The following IARS1 variants were observed in gnomAD, a reference collection of about 807,000 sequenced individuals.
The protein encoded by IARS1 is isoleucine--tRNA ligase, cytoplasmic.
Under a neutral mutation model 168.2 loss-of-function variants are expected in IARS1, and 124 were observed. The ratio of observed to expected loss-of-function variants is 0.74; its 90% confidence interval spans 0.64 to 0.86. IARS1 has a LOEUF of 0.86. Among genes scored for constraint, IARS1 ranks in the 40% least tolerant of loss-of-function variants. IARS1 has a pLI of 0.00. For synonymous variants in IARS1, 532 were observed against 529.4 expected (o/e 1.00, Z -0.07); for missense variants, 1,452 against 1,515.8 (o/e 0.96, Z 0.70).
intron 33 of IARS1, among the ~76,000 whole-genome samples, chr9:92,219,417 T>C (rs1421744881): frequency 2.0e-5 from 3 of 149,130 alleles, no homozygotes; most frequent in African/African-American, 4.9e-5. Flanking sequence ...AATTGACAAA[T>C]GGGATCTAAT....
At position 92,249,905 on chromosome 9, in the gene IARS1, G is replaced by T; in HGVS notation, c.2569C>A (p.Pro857Thr). The T allele has an allele frequency of 6.2e-7, 1 of 1,606,828 alleles. No individual in the cohort carries two copies. The highest frequency in any genetic ancestry group is 8.5e-7 in the Non-Finnish European group (1 of 1,173,812). The change falls in exon 25 of 34, where the codon CCA (proline) becomes ACA (threonine). Residue 857 changes from proline (P) to threonine (T), a missense_variant. Pro to Thr is a conservative substitution (Grantham distance 38). Coordinates refer to ENST00000443024, the MANE Select transcript of IARS1 (RefSeq NM_002161.6). ...LKEIVVIHQDPEALKDIKSLE... is the reference protein window; with the variant it reads ...LKEIVVIHQDTEALKDIKSLE... ...GACTTGATATCTTTAAGAGCTTCTG[G>T]ATCTTGATGGATAACCACAATTTCT...
intron 33 of IARS1, among the ~76,000 whole-genome samples, chr9:92,222,154 C>T (rs959356857): frequency 1.4e-5 from 2 of 145,620 alleles, no homozygotes; most frequent in Admixed American, 7.0e-5. Context: ...CCCGTCTCTA[C>T]TAAAATCCAA....
intron 30 of IARS1, among the ~76,000 whole-genome samples, chr9:92,231,924 C>T (rs1217941084): frequency 6.6e-6 from 1 of 152,068 alleles, no homozygotes. Flanking sequence ...ACTTTTAAAT[C>T]CTACCAGGAT....
chr9:92,289,917 C>G (rs1320425064), intron 1 of IARS1, among the ~76,000 whole-genome samples: 2 of 152,132 alleles, frequency 1.3e-5, no homozygotes, highest in African/African-American at 4.8e-5. Context: ...AATAGTATTC[C>G]ATTTCATGAA....
In IARS1 at chr9:92,280,886, T is replaced by C. The variant is rs1373406321; in HGVS notation, c.605A>G (p.Gln202Arg). Residue 202 changes from glutamine (Q) to arginine (R), a missense_variant, in exon 7 of 34, where the codon CAA (glutamine) becomes CGA (arginine). Coordinates refer to ENST00000443024, the MANE Select transcript of IARS1 (RefSeq NM_002161.6). Reference protein sequence around the residue: ...FESHQNYKDVQDPSVFVTFPL... With the variant: ...FESHQNYKDVRDPSVFVTFPL... ...GAAAGTTACAAATACTGAAGGATCT[T>C]GAACATCCTGAAATAAATTGAGGTA... The C allele has an allele frequency of 2.5e-6, 4 of 1,606,240 alleles. No individual in the cohort carries two copies. Among genetic ancestry groups the C allele is most frequent in the Non-Finnish European group, 2.6e-6 (3 of 1,174,554 alleles).
intron 30 of IARS1, among the ~76,000 whole-genome samples, chr9:92,237,273 C>G (rs909208700): frequency 6.6e-6 from 1 of 152,122 alleles, no homozygotes; most frequent in Admixed American, 6.5e-5. Flanking sequence ...GTTTCTTTCC[C>G]TCTTGAGACT....
At chr9:92,269,537 T>C (rs564655359) in intron 13 of IARS1, among the ~76,000 whole-genome samples, 1 of 152,322 alleles carries the variant, frequency 6.6e-6, no homozygotes, top group Admixed American at 6.5e-5. Context: ...CTGAAAATAA[T>C]GTTTACTCTG....
In IARS1 at chr9:92,280,737, C is replaced by T. The variant is rs76142636; in HGVS notation, c.745+9G>A. ...CATATTAATCATAAGTAACCAGCCT[C>T]CCACTTACCTTTAATTTTCACATAT... On this transcript the variant is annotated intron_variant, in intron 7 of 33. Coordinates refer to ENST00000443024, the MANE Select transcript of IARS1 (RefSeq NM_002161.6). 2,020 of 1,594,434 alleles carry T rather than the reference C, an allele frequency of 1.3e-3. 5 individuals are homozygous for T. The highest frequency in any genetic ancestry group is 1.7e-3 in the Non-Finnish European group (1,947 of 1,168,306).
In IARS1 at chr9:92,245,033, C is replaced by G; in HGVS notation, c.2830G>C (p.Asp944His). 3 of 1,614,204 alleles carry G rather than the reference C, an allele frequency of 1.9e-6. No homozygotes were observed. The highest frequency in any genetic ancestry group is 2.5e-6 in the Non-Finnish European group (3 of 1,180,034). The change falls in exon 27 of 34, where the codon GAC becomes CAC. Residue 944 changes from aspartate to histidine, a missense_variant. Asp to His is a moderately conservative substitution (Grantham distance 81, BLOSUM62 -1). Coordinates refer to ENST00000443024, the MANE Select transcript of IARS1 (RefSeq NM_002161.6). ...TCAAAGGTGTACATGAGGCGGATGT[C>G]TTCATCGTGCAATTCATGGCCTTCC... ...VVEGHELHDE[D>H]IRLMYTFDQA...
intron 33 of IARS1, 50 bp downstream of exon 33, chr9:92,222,470 A>G: frequency 6.4e-7 from 1 of 1,562,462 alleles, no homozygotes; most frequent in Non-Finnish European, 8.8e-7. Context: ...AATGGCATCA[A>G]AATCTACTTT....
At chr9:92,243,568 C>A in intron 27 of IARS1, 1 of 314,876 alleles carries the variant, frequency 3.2e-6, no homozygotes, top group Non-Finnish European at 6.0e-6. Flanking sequence ...AGGAGATGCC[C>A]TGGGACCACC....
rs1232099852 is a variant in IARS1 at position 92,293,600 on chromosome 9, A to T, written c.-8+11T>A. 1.0e-5 allele frequency: 4 copies of T among 383,828 alleles called. No homozygotes were observed. Among genetic ancestry groups the T allele is most frequent in the Non-Finnish European group, 1.6e-5 (3 of 185,938 alleles). 23.8% of individuals were successfully genotyped at this position (383,828 alleles called of 1,614,324 possible). On this transcript the variant is annotated intron_variant, in intron 1 of 33. Transcript: ENST00000443024. ...TTGAGGGCCGGATCCTGCAGGGAAG[A>T]GAGGGCGTACCTGAGGGGCCTCGCG...
Position 92,217,522 on chromosome 9 carries a change from A to C in IARS1, c.3706+4998T>G, listed in dbSNP as rs11521659. Among the ~76,000 whole-genome samples, 19 of 134,460 alleles carry C rather than the reference A, an allele frequency of 1.4e-4. No individual in the cohort carries two copies. The East Asian group carries it at 2.9e-3, about 21-fold the overall frequency. The allele number at this position is 134,460 out of a possible 152,430, so 88.2% of individuals were successfully genotyped here. A position where few individuals can be genotyped will look rare whatever the true frequency, so the allele number is the denominator to read the frequency against. The stretch of plus-strand genomic sequence containing the variant: ...AAAGGATCAACAAAATTGACAGACC[A>C]CTAGCAAGACTAATAAAGAAAAAAA... On this transcript the variant is annotated intron_variant, in intron 33 of 33. Transcript: ENST00000443024.
chr9:92,242,186 A>G lies in IARS1; in HGVS notation c.3145T>C (p.Ser1049Pro), dbSNP rs746074564. The G allele has an allele frequency of 2.5e-6, 4 of 1,614,064 alleles. No individual in the cohort carries two copies. Among genetic ancestry groups the G allele is most frequent in the Middle Eastern group, 1.6e-4 (1 of 6,062 alleles). Residue 1049 changes from serine (S) to proline (P), a missense_variant, in exon 29 of 34, where the codon TCG becomes CCG. Physicochemically the swap from Ser to Pro is moderately conservative, Grantham distance 74 (BLOSUM62 -1). Coordinates refer to ENST00000443024, the MANE Select transcript of IARS1 (RefSeq NM_002161.6). ...TTTTCTTGAATAAGGACTTTATCCG[A>G]TGGAGAAACTGGATATGGTTTCAAG... ...APLKPYPVSP[S>P]DKVLIQEKTQ...
chr9:92,248,443 T>C (rs1829532830), intron 25 of IARS1, among the ~76,000 whole-genome samples: 1 of 151,764 alleles, frequency 6.6e-6, no homozygotes. Context: ...GAGATCGAGG[T>C]GGGAGGATCA....
intron 20 of IARS1, among the ~76,000 whole-genome samples, chr9:92,254,896 T>G (rs1333232955): frequency 1.3e-5 from 2 of 152,144 alleles, no homozygotes; most frequent in Admixed American, 6.5e-5. Flanking sequence ...ATCTCCAGTT[T>G]CCAGGCAGAC....
chr9:92,236,555 G>C (rs1460434342), intron 30 of IARS1, among the ~76,000 whole-genome samples: 4 of 152,098 alleles, frequency 2.6e-5, no homozygotes, highest in Admixed American at 2.6e-4. Context: ...TAGAAACAGG[G>C]TTCACTTCAG....
intron 7 of IARS1, among the ~76,000 whole-genome samples, chr9:92,278,717 C>A (rs1236050979): frequency 6.6e-6 from 1 of 152,028 alleles, no homozygotes; most frequent in African/African-American, 2.4e-5. Context: ...TGTGTAAGTT[C>A]TTTTTATTTT....
At chr9:92,239,242 C>T (rs988304660) in intron 30 of IARS1, among the ~76,000 whole-genome samples, 7 of 152,126 alleles carry the variant, frequency 4.6e-5, no homozygotes, top group Admixed American at 2.0e-4. Context: ...CTGCTGGGAA[C>T]GGATTCTTTT....
Sources: gnomAD v4.1 joint callset for allele counts (sites outside exome capture counted in the v4.1 genomes callset) on GRCh38, gnomAD v4.1.1 for gene constraint, MANE v1.5 for transcripts, NCBI Gene and HGNC (gene_info 2026-07-23, HGNC 2026-07-21) for gene names.